The following CTNND2 variants were observed in gnomAD, a reference collection of about 807,000 sequenced individuals.
CTNND2 encodes catenin delta-2.
CTNND2 carries 22 observed loss-of-function variants against 144.4 expected under a neutral mutation model. That is an observed-to-expected ratio of 0.15 (90% CI 0.11 to 0.22). The LOEUF is 0.22. CTNND2 is among the 10% of genes least tolerant of loss of function. CTNND2 has a pLI of 1.00. For missense variants in CTNND2, 1,353 were observed against 1,618.8 expected, an observed-to-expected ratio of 0.84 and a Z score of 2.82; for synonymous variants, 751 against 695.6, an observed-to-expected ratio of 1.08 and a Z score of -1.25.
chr5:11,204,633 G>C (rs1174662881), intron 10 of CTNND2, among the ~76,000 whole-genome samples: 1 of 152,064 alleles, frequency 6.6e-6, no homozygotes, highest in Non-Finnish European at 1.5e-5. Context: ...CAATGAATTA[G>C]CTATCATCAT....
At chr5:11,491,739 C>T (rs1212646014) in intron 3 of CTNND2, among the ~76,000 whole-genome samples, 2 of 152,108 alleles carry the variant, frequency 1.3e-5, no homozygotes, top group African/African-American at 4.8e-5. Context: ...TGAGTGGGAC[C>T]CTTGAAGCAG....
intron 3 of CTNND2, among the ~76,000 whole-genome samples, chr5:11,527,128 T>A (rs1445090117): frequency 6.6e-6 from 1 of 151,954 alleles, no homozygotes; most frequent in Non-Finnish European, 1.5e-5. Flanking sequence ...GATGAAAAAA[T>A]TCTGGAAATG....
In CTNND2 at chr5:11,199,516, C is replaced by G; in HGVS notation, c.1907G>C (p.Gly636Ala). 6.2e-7 allele frequency: 1 copy of G among 1,614,216 alleles called. No individual in the cohort carries two copies. Among genetic ancestry groups the G allele is most frequent in the South Asian group, 1.1e-5 (1 of 91,078 alleles). The change falls in exon 11 of 22, where the codon GGT (glycine) becomes GCT (alanine). Residue 636 changes from glycine to alanine, a missense_variant. Physicochemically the swap from Gly to Ala is moderately conservative, Grantham distance 60. Transcript: ENST00000304623. ...TAACCTCACCAGTGCTGGGATGCCA[C>G]CACAGTTTTTCAGGGCAATTTTGTT... ...DDNKIALKNC[G>A]GIPALVRLLR...
At chr5:11,332,409 T>C (rs1753263852) in intron 9 of CTNND2, among the ~76,000 whole-genome samples, 1 of 152,104 alleles carries the variant, frequency 6.6e-6, no homozygotes, top group African/African-American at 2.4e-5. Flanking sequence ...CCATGCAGCC[T>C]TGGTTTCTGT....
intron 3 of CTNND2, among the ~76,000 whole-genome samples, chr5:11,426,321 T>TG (rs1649288582): frequency 6.6e-6 from 1 of 152,232 alleles, no homozygotes; most frequent in Non-Finnish European, 1.5e-5. Context: ...TACACATATG[T>TG]GCTCAGATAA....
At position 11,199,606 on chromosome 5, in the gene CTNND2, G is replaced by C. The variant is rs1237610635; in HGVS notation, c.1817C>G (p.Thr606Ser). The change falls in exon 11 of 22, where the codon ACC (threonine) becomes AGC (serine). Residue 606 changes from threonine to serine, a missense_variant. Transcript: ENST00000304623. ...LLVDLLDHRM[T>S]EVHRSACGAL... ...TCCACAGGCACTACGGTGGACTTCG[G>C]TCATCCGATGATCCAACAGGTCCAC... The C allele has an allele frequency of 2.5e-6, 4 of 1,614,000 alleles. No homozygotes were observed. Among genetic ancestry groups the C allele is most frequent in the Non-Finnish European group, 3.4e-6 (4 of 1,180,036 alleles).
intron 18 of CTNND2, among the ~76,000 whole-genome samples, chr5:10,999,998 C>T (rs79148429): frequency 0.02 from 3,051 of 152,332 alleles, 57 homozygotes; most frequent in South Asian, 0.029. Flanking sequence ...ATTTCTAGGA[C>T]GTGGTCAGTC....
At chr5:10,989,818 G>A (rs1188009291) in intron 19 of CTNND2, among the ~76,000 whole-genome samples, 1 of 152,218 alleles carries the variant, frequency 6.6e-6, no homozygotes, top group Non-Finnish European at 1.5e-5. Flanking sequence ...AGAGGCAGAA[G>A]TGCCCAACAG....
intron 1 of CTNND2, among the ~76,000 whole-genome samples, chr5:11,899,791 T>C (rs1737710541): frequency 6.6e-6 from 1 of 152,196 alleles, no homozygotes; most frequent in South Asian, 2.1e-4. Flanking sequence ...CTGAAGAAAC[T>C]GAGTTAACAA....
At chr5:11,851,415 AAAG>A (rs886370047) in intron 1 of CTNND2, among the ~76,000 whole-genome samples, 1 of 152,180 alleles carries the variant, frequency 6.6e-6, no homozygotes, top group Non-Finnish European at 1.5e-5. Flanking sequence ...TGCATGATTG[AAAG>A]AAATGGTACA....
intron 2 of CTNND2, among the ~76,000 whole-genome samples, chr5:11,641,745 C>CGT (rs140598993): frequency 0.88 from 118,943 of 134,648 alleles, 53,655 homozygotes; most frequent in Middle Eastern, 0.95. Context: ...TATACATATA[C>CGT]GTGTGTATGT....
At chr5:11,145,395 C>A (rs1358597436) in intron 12 of CTNND2, among the ~76,000 whole-genome samples, 1 of 152,064 alleles carries the variant, frequency 6.6e-6, no homozygotes. Flanking sequence ...GAGGGAGAAA[C>A]TGAGGCTCAG....
intron 9 of CTNND2, among the ~76,000 whole-genome samples, chr5:11,338,427 A>G (rs575808182): frequency 7.1e-4 from 108 of 152,296 alleles, no homozygotes; most frequent in African/African-American, 2.5e-3. Flanking sequence ...AACTTGGGGT[A>G]CAGTCTGTTT....
chr5:11,031,687 C>G (rs1484075111), intron 16 of CTNND2, among the ~76,000 whole-genome samples: 2 of 152,032 alleles, frequency 1.3e-5, no homozygotes, highest in Non-Finnish European at 2.9e-5. Flanking sequence ...TGGGTGGGCA[C>G]CATCCAGTCG....
chr5:11,314,637 G>C (rs1338855083), intron 9 of CTNND2, among the ~76,000 whole-genome samples: 1 of 152,210 alleles, frequency 6.6e-6, no homozygotes, highest in Non-Finnish European at 1.5e-5. Flanking sequence ...AGATTGCTGG[G>C]ATTACTGGCA....
At chr5:11,889,417 C>A (rs1281809231) in intron 1 of CTNND2, among the ~76,000 whole-genome samples, 1 of 152,182 alleles carries the variant, frequency 6.6e-6, no homozygotes, top group African/African-American at 2.4e-5. Flanking sequence ...AGAAACAACT[C>A]ATTCTAAATT....
chr5:11,221,706 C>T (rs554619892), intron 10 of CTNND2, among the ~76,000 whole-genome samples: 3 of 152,192 alleles, frequency 2.0e-5, no homozygotes, highest in South Asian at 2.1e-4. Context: ...ACCTGGAGAA[C>T]GTCTGGAAGG....
At chr5:11,633,638 T>C (rs1176008208) in intron 2 of CTNND2, among the ~76,000 whole-genome samples, 1 of 151,876 alleles carries the variant, frequency 6.6e-6, no homozygotes, top group Non-Finnish European at 1.5e-5. Flanking sequence ...TAGCCAGGCA[T>C]AGTGGTGGGT....
chr5:11,059,066 G>C (rs1174597764), intron 16 of CTNND2, among the ~76,000 whole-genome samples: 1 of 152,212 alleles, frequency 6.6e-6, no homozygotes, highest in Non-Finnish European at 1.5e-5. Context: ...CCTTGTCTCA[G>C]ATGAGACTTT....
Sources: allele counts gnomAD v4.1 joint callset (sites outside exome capture counted in the v4.1 genomes callset), GRCh38; gene constraint gnomAD v4.1.1; transcripts MANE v1.5; gene names NCBI Gene and HGNC (gene_info 2026-07-23, HGNC 2026-07-21).